The following SASS6 variants were observed in gnomAD, a reference collection of about 807,000 sequenced individuals.
The protein encoded by SASS6 is spindle assembly abnormal protein 6 homolog.
SASS6 carries 59 observed loss-of-function variants against 94.9 expected under a neutral mutation model. The observed-to-expected ratio is 0.62, with a 90% CI of 0.50 to 0.77. The LOEUF is 0.77. Ranked by LOEUF, SASS6 falls within the 30% of genes least tolerant of loss-of-function variation. The pLI, the probability that SASS6 is intolerant of heterozygous loss-of-function variation, is 0.00. For synonymous variants in SASS6, 264 were observed against 270.0 expected (o/e 0.98, Z 0.22); for missense variants, 698 against 734.1 (o/e 0.95, Z 0.57).
At chr1:100,097,927 T>C (rs991562952) in intron 14 of SASS6, among the ~76,000 whole-genome samples, 11 of 152,156 alleles carry the variant, frequency 7.2e-5, no homozygotes, top group Admixed American at 5.2e-4. Context: ...AGCTGATCAG[T>C]AGTTGCCTAG....
At chr1:100,087,439 T>TA (rs1247119534) in intron 15 of SASS6, among the ~76,000 whole-genome samples, 2 of 152,186 alleles carry the variant, frequency 1.3e-5, no homozygotes, top group African/African-American at 4.8e-5. Context: ...AGACAGGCCT[T>TA]AAAGCCATTA....
intron 1 of SASS6, among the ~76,000 whole-genome samples, chr1:100,128,681 A>G (rs1366267541): frequency 6.6e-6 from 1 of 152,270 alleles, no homozygotes; most frequent in Non-Finnish European, 1.5e-5. Context: ...TAAGAGCAAT[A>G]TAAAACAATA....
chr1:100,102,970 A>G lies in SASS6; in HGVS notation c.1659T>C (p.Pro553=), dbSNP rs746097869. The part of the protein sequence containing the change: ...HSISAKNTSH[P]GSGTKVQFNL... ...ATTTGGCTACCTTTGTTCCTGAACC[A>G]GGGTGGCTGGTATTTTTGGCAGATA... is the stretch of plus-strand genomic sequence containing the variant. The change falls in exon 14 of 17, where the codon CCT becomes CCC. Residue 553 remains proline (P), a synonymous_variant. Coordinates refer to ENST00000287482, the MANE Select transcript of SASS6 (RefSeq NM_194292.3). 2 of 1,612,144 alleles carry G rather than the reference A, an allele frequency of 1.2e-6. No homozygotes were observed. The highest frequency in any genetic ancestry group is 2.7e-5 in the African/African-American group (2 of 74,848).
intron 1 of SASS6, 80 bp downstream of exon 1, chr1:100,132,670 C>G (rs1199422600): frequency 1.9e-5 from 23 of 1,202,840 alleles, no homozygotes; most frequent in Non-Finnish European, 2.8e-5. Context: ...AAGGTGGATC[C>G]CACGGGCCAG....
intron 14 of SASS6, among the ~76,000 whole-genome samples, chr1:100,097,796 C>T (rs1279493066): frequency 6.6e-6 from 1 of 152,144 alleles, no homozygotes; most frequent in Admixed American, 6.5e-5. Flanking sequence ...TGCCACTGCA[C>T]TCTATCCTGG....
chr1:100,099,623 A>C (rs1416899544), intron 14 of SASS6: 1 of 152,192 alleles, frequency 6.6e-6, no homozygotes, highest in Non-Finnish European at 1.5e-5. Flanking sequence ...GCTCTGTGGG[A>C]GCTGATAAAC....
intron 8 of SASS6, among the ~76,000 whole-genome samples, chr1:100,109,010 T>A (rs1332295553): frequency 6.6e-6 from 1 of 151,864 alleles, no homozygotes; most frequent in African/African-American, 2.4e-5. Flanking sequence ...AACTAACAAT[T>A]TGCAAGTCTT....
In SASS6 at chr1:100,085,192, GTACT is replaced by G. The variant is rs922486957; in HGVS notation, c.*132_*135del. On this transcript the variant is annotated 3_prime_UTR_variant, in exon 17 of 17. Transcript: ENST00000287482. ...TATATTATAAACTGCCATAAAAGCA[GTACT>G]TAAAGTATCCAGTCTTTAACAGCTC... is the stretch of plus-strand genomic sequence containing the variant. The G allele has an allele frequency of 4.8e-5, 32 of 661,146 alleles. 1 individual carries two copies. Among genetic ancestry groups the G allele is most frequent in the South Asian group, 3.8e-4 (20 of 53,162 alleles). The allele number at this position is 661,146 out of a possible 1,614,324, so 41.0% of individuals were successfully genotyped here.
chr1:100,096,724 T>C (rs1424924337), intron 14 of SASS6, among the ~76,000 whole-genome samples: 2 of 152,224 alleles, frequency 1.3e-5, no homozygotes, highest in African/African-American at 4.8e-5. Context: ...AAGATTCAAA[T>C]AGAAATATCA....
At chr1:100,104,827 G>A (rs1029670614) in intron 13 of SASS6, among the ~76,000 whole-genome samples, 8 of 150,596 alleles carry the variant, frequency 5.3e-5, no homozygotes, top group East Asian at 2.0e-4. Context: ...GTGGCTCACA[G>A]CTATAATCCC....
intron 15 of SASS6, 51 bp from the exon 16 acceptor site, chr1:100,085,681 G>T (rs777905931): frequency 1.2e-5 from 14 of 1,147,330 alleles, no homozygotes; most frequent in Non-Finnish European, 1.2e-5. Flanking sequence ...TATTAACTTT[G>T]AAGGTTTATC....
chr1:100,117,770 C>A, intron 7 of SASS6, among the ~76,000 whole-genome samples: 1 of 134,494 alleles, frequency 7.4e-6, no homozygotes. Flanking sequence ...CTTATCTTCA[C>A]AAAACATATA....
In SASS6 at chr1:100,088,206, T is replaced by C. The variant is rs1317521420; in HGVS notation, c.1705A>G (p.Asn569Asp). The C allele has an allele frequency of 6.2e-7, 1 of 1,604,236 alleles. No homozygotes were observed. The highest frequency in any genetic ancestry group is 8.5e-7 in the Non-Finnish European group (1 of 1,171,426). ...VQFNLQFTKP[N>D]ASLGDVQSGA... ...GACTGAACATCTCCTAGTGATGCAT[T>C]TGGTTTTGTAAACTGCAAATTAAAC... The change falls in exon 15 of 17, where the codon AAT becomes GAT. Residue 569 changes from asparagine (N) to aspartate (D), a missense_variant. Transcript: ENST00000287482.
intron 4 of SASS6, among the ~76,000 whole-genome samples, chr1:100,122,159 G>A (rs1409714647): frequency 1.3e-5 from 2 of 152,120 alleles, no homozygotes; most frequent in Non-Finnish European, 2.9e-5. Context: ...TAAATATTTC[G>A]GATGACTTTA....
Position 100,085,532 on chromosome 1 carries a change from T to C in SASS6, c.1867+4A>G, listed in dbSNP as rs565694175. 6.2e-7 allele frequency: 1 copy of C among 1,605,756 alleles called. No homozygotes were observed. Among genetic ancestry groups the C allele is most frequent in the Non-Finnish European group, 8.5e-7 (1 of 1,172,884 alleles). On this transcript the variant is annotated splice_donor_region_variant and intron_variant, in intron 16 of 16. Coordinates refer to ENST00000287482, the MANE Select transcript of SASS6 (RefSeq NM_194292.3). ...AGTACAAAAATCCAGAAATCCCTGCTTACCTGAATTACTAAATAGGTTCTG... is the reference window on the plus strand; with the variant it reads ...AGTACAAAAATCCAGAAATCCCTGCCTACCTGAATTACTAAATAGGTTCTG...
chr1:100,116,188 A>T (rs1256054168), intron 7 of SASS6, among the ~76,000 whole-genome samples: 1 of 152,212 alleles, frequency 6.6e-6, no homozygotes, highest in Admixed American at 6.5e-5. Flanking sequence ...TCCTTAATTT[A>T]TACCAATAAA....
chr1:100,106,245 TA>T (rs762010568), intron 12 of SASS6, among the ~76,000 whole-genome samples: 2 of 152,226 alleles, frequency 1.3e-5, no homozygotes, highest in African/African-American at 2.4e-5. Flanking sequence ...AAATGTTAGT[TA>T]AAATCTTATT....
intron 7 of SASS6, among the ~76,000 whole-genome samples, chr1:100,117,391 G>A (rs949096679): frequency 1.8e-4 from 27 of 151,778 alleles, no homozygotes; most frequent in African/African-American, 6.0e-4. Flanking sequence ...GGTGGCTCAT[G>A]CCTGTAATCC....
intron 7 of SASS6, among the ~76,000 whole-genome samples, chr1:100,112,033 G>T (rs1199899611): frequency 1.3e-5 from 2 of 151,804 alleles, no homozygotes; most frequent in Non-Finnish European, 2.9e-5. Flanking sequence ...TTTCTACTTT[G>T]TTCCCTTCTG....
Sources: allele counts gnomAD v4.1 joint callset (sites outside exome capture counted in the v4.1 genomes callset), GRCh38; gene constraint gnomAD v4.1.1; transcripts MANE v1.5; gene names NCBI Gene and HGNC (gene_info 2026-07-23, HGNC 2026-07-21).